The following TRIM33 variants were observed in gnomAD, a reference collection of about 807,000 sequenced individuals.
TRIM33 encodes the protein tripartite motif containing 33.
A neutral mutation model predicts 125.4 loss-of-function variants in TRIM33; 20 were observed. That is an observed-to-expected ratio of 0.16 (90% confidence interval 0.11 to 0.23). The LOEUF (loss-of-function observed/expected upper bound fraction) is 0.23, where lower values mean the gene tolerates loss of function less well. TRIM33 is among the 10% of genes least tolerant of loss of function. TRIM33 has a pLI of 1.00. For missense variants in TRIM33, 920 were observed against 1,411.4 expected (o/e 0.65, Z 5.58); for synonymous variants, 564 against 513.9 (o/e 1.10, Z -1.32).
intron 1 of TRIM33, among the ~76,000 whole-genome samples, chr1:114,479,073 G>C (rs1481462758): frequency 6.6e-6 from 1 of 152,056 alleles, no homozygotes; most frequent in Non-Finnish European, 1.5e-5. Context: ...AGATCTGAGT[G>C]AACTTGTAGA....
chr1:114,506,585 C>G (rs564229713), intron 1 of TRIM33, among the ~76,000 whole-genome samples: 1 of 152,116 alleles, frequency 6.6e-6, no homozygotes, highest in South Asian at 2.1e-4. Context: ...TCAGGCTGAT[C>G]TTGAACTCTT....
chr1:114,510,417 A>G, intron 1 of TRIM33, 134 bp downstream of exon 1: 1 of 754,876 alleles, frequency 1.3e-6, no homozygotes, highest in Non-Finnish European at 1.9e-6. Context: ...CCCAGGGGCG[A>G]GTCTTTCACC....
intron 4 of TRIM33, among the ~76,000 whole-genome samples, chr1:114,441,354 A>G (rs1648639566): frequency 6.6e-6 from 1 of 152,246 alleles, no homozygotes; most frequent in Non-Finnish European, 1.5e-5. Flanking sequence ...CCTATTTGCC[A>G]AGAAATATTC....
intron 4 of TRIM33, among the ~76,000 whole-genome samples, chr1:114,451,236 T>C (rs1364812971): frequency 6.6e-6 from 1 of 152,196 alleles, no homozygotes; most frequent in Admixed American, 6.5e-5. Context: ...ACCTATCATC[T>C]CTAGGTACTA....
chr1:114,504,355 A>C (rs565956606), intron 1 of TRIM33, among the ~76,000 whole-genome samples: 1 of 152,124 alleles, frequency 6.6e-6, no homozygotes, highest in African/African-American at 2.4e-5. Context: ...TTTTGTAGAC[A>C]CAGGGTTTCA....
At chr1:114,414,989 ATTTTTTT>A (rs56960865) in intron 11 of TRIM33, among the ~76,000 whole-genome samples, 2,218 of 104,700 alleles carry the variant, frequency 0.021, 54 homozygotes, top group African/African-American at 0.078. Flanking sequence ...GGTAGATTCT[ATTTTTTT>A]TTTTTTTTTT....
chr1:114,446,613 A>T (rs1412923953), intron 4 of TRIM33, among the ~76,000 whole-genome samples: 1 of 152,212 alleles, frequency 6.6e-6, no homozygotes, highest in East Asian at 1.9e-4. Context: ...AACACCAAAA[A>T]CTATTTATAA....
chr1:114,470,321 ATT>A (rs552966944), intron 1 of TRIM33, among the ~76,000 whole-genome samples: 73 of 152,220 alleles, frequency 4.8e-4, no homozygotes, highest in African/African-American at 1.6e-3. Flanking sequence ...TTTCTGTTAC[ATT>A]TTGTTAATTT....
chr1:114,502,694 T>G (rs1351327551), intron 1 of TRIM33, among the ~76,000 whole-genome samples: 1 of 151,966 alleles, frequency 6.6e-6, no homozygotes, highest in South Asian at 2.1e-4. Context: ...TTTTCTGGAG[T>G]CGGAGTCTCA....
At chr1:114,431,935 C>T (rs1246059222) in intron 5 of TRIM33, among the ~76,000 whole-genome samples, 1 of 152,046 alleles carries the variant, frequency 6.6e-6, no homozygotes, top group African/African-American at 2.4e-5. Context: ...ACTAAGCATG[C>T]TGAAAACAGA....
chr1:114,414,026 G>GGCACACACACACAC, intron 11 of TRIM33, among the ~76,000 whole-genome samples: 1 of 48,964 alleles, frequency 2.0e-5, no homozygotes, highest in East Asian at 4.2e-4. Flanking sequence ...ATAAATCACA[G>GGCACACACACACAC]GCACACACAC....
chr1:114,473,394 A>G (rs34383590), intron 1 of TRIM33, among the ~76,000 whole-genome samples: 6,205 of 152,184 alleles, frequency 0.041, 170 homozygotes, highest in Middle Eastern at 0.092. Flanking sequence ...CCTGACGCAC[A>G]TGGCCCCTGC....
At chr1:114,429,112 A>G (rs1250348583) in intron 6 of TRIM33, among the ~76,000 whole-genome samples, 1 of 152,016 alleles carries the variant, frequency 6.6e-6, no homozygotes, top group African/African-American at 2.4e-5. Flanking sequence ...GGGGGGAAAA[A>G]CCTATTAGGG....
intron 1 of TRIM33, among the ~76,000 whole-genome samples, chr1:114,499,962 T>C (rs1010285849): frequency 1.3e-5 from 2 of 152,002 alleles, no homozygotes; most frequent in Non-Finnish European, 2.9e-5. Flanking sequence ...GAATCAGAAG[T>C]TCAAGACCAG....
At chr1:114,423,084 A>G (rs780978736) in intron 10 of TRIM33, among the ~76,000 whole-genome samples, 101 of 152,334 alleles carry the variant, frequency 6.6e-4, no homozygotes, top group Non-Finnish European at 1.0e-3. Flanking sequence ...GTCTCCATCT[A>G]GCTCAAAGAA....
chr1:114,397,519 C>A lies in TRIM33; in HGVS notation c.*129G>T. On this transcript the variant is annotated 3_prime_UTR_variant, in exon 20 of 20. Transcript: ENST00000358465. ...TCTAATACTGTGTAAAAGCTATCAG[C>A]TTCTTCAAGGAGGTGCCCACTGTAG... The A allele has an allele frequency of 1.5e-6, 1 of 653,706 alleles. No individual in the cohort carries two copies. The highest frequency in any genetic ancestry group is 2.6e-6 in the Non-Finnish European group (1 of 381,264). The allele number at this position is 653,706 out of a possible 1,614,324, so 40.5% of individuals were successfully genotyped here.
chr1:114,509,486 C>T (rs1451138311), intron 1 of TRIM33, among the ~76,000 whole-genome samples: 1 of 152,076 alleles, frequency 6.6e-6, no homozygotes, highest in African/African-American at 2.4e-5. Flanking sequence ...AAGAAAAATC[C>T]CAAAATATTC....
In TRIM33 at chr1:114,510,794, A is replaced by G. The variant is rs986427169; in HGVS notation, c.283T>C (p.Ser95Pro). The G allele has an allele frequency of 3.9e-6, 6 of 1,519,602 alleles. No homozygotes were observed. The East Asian group carries it at 1.3e-4, about 32-fold the overall frequency. 94.1% of individuals were successfully genotyped at this position (1,519,602 alleles called of 1,614,324 possible). A position where few individuals can be genotyped will look rare whatever the true frequency, so the allele number is the denominator to read the frequency against. ...VGTGVAGGAVSTPAPAPASAP... is the reference protein window; with the variant it reads ...VGTGVAGGAVPTPAPAPASAP... Reference sequence around the variant, plus strand: ...GAGGCTGGAGCTGGAGCCGGCGTCGATACTGCGCCCCCGGCAACTCCAGTG... The same window carrying G: ...GAGGCTGGAGCTGGAGCCGGCGTCGGTACTGCGCCCCCGGCAACTCCAGTG... The change falls in exon 1 of 20, where the codon TCG becomes CCG. Residue 95 changes from serine to proline, a missense_variant. Ser to Pro is a moderately conservative substitution (Grantham distance 74, BLOSUM62 -1). Around this residue, in one of 8 missense-constraint regions of TRIM33, gnomAD observed 233 missense variants for 189.6 expected, o/e 1.23. Transcript: ENST00000358465.
At position 114,463,210 on chromosome 1, in the gene TRIM33, G is replaced by A. The variant is rs1650093722; in HGVS notation, c.817C>T (p.Pro273Ser). Residue 273 changes from proline to serine, a missense_variant, in exon 4 of 20, where the codon CCT becomes TCT. By Grantham distance (74) the Pro-to-Ser change is moderately conservative. Around this residue, in one of 8 missense-constraint regions of TRIM33, gnomAD observed 24 missense variants for 83.9 expected, o/e 0.29. Coordinates refer to ENST00000358465, the MANE Select transcript of TRIM33 (RefSeq NM_015906.4). ...SESVGASGQR[P>S]VFCPVHKQEQ... ...TGTTTGTGTACAGGGCAGAAAACAG[G>A]GCGTTGACCAGATGCTCCAACAGAC... 1.2e-6 allele frequency: 2 copies of A among 1,608,662 alleles called. No homozygotes were observed. The highest frequency in any genetic ancestry group is 1.7e-6 in the Non-Finnish European group (2 of 1,178,576).
Sources: gnomAD v4.1 joint callset for allele counts (sites outside exome capture counted in the v4.1 genomes callset) on GRCh38, gnomAD v4.1.1 for gene constraint, gnomAD v4.1.1 regional missense constraint, MANE v1.5 for transcripts, NCBI Gene and HGNC (gene_info 2026-07-23, HGNC 2026-07-21) for gene names.